Variants in PCDH9 observed in about 807,000 individuals in gnomAD.
PCDH9 encodes protocadherin 9.
Under a neutral mutation model 70.6 loss-of-function variants are expected in PCDH9, and 24 were observed. The ratio of observed to expected loss-of-function variants is 0.34; its 90% CI spans 0.25 to 0.48. The LOEUF is 0.48. Ranked by LOEUF, PCDH9 falls within the 20% of genes least tolerant of loss-of-function variation. The pLI, the probability that PCDH9 is intolerant of heterozygous loss-of-function variation, is 0.99. For synonymous variants in PCDH9, 562 were observed against 558.5 expected, an observed-to-expected ratio of 1.01 and a Z score of -0.09; for missense variants, 1,281 against 1,503.6, an observed-to-expected ratio of 0.85 and a Z score of 2.45.
chr13:66,631,090 T>G, intron 4 of PCDH9, 120 bp downstream of exon 4: 2 of 650,430 alleles, frequency 3.1e-6, no homozygotes, highest in Non-Finnish European at 5.6e-6. Context: ...GCAACAACAA[T>G]AAAGCCAGCA....
intron 4 of PCDH9, among the ~76,000 whole-genome samples, chr13:66,553,541 A>G (rs1019008104): frequency 3.3e-5 from 5 of 152,188 alleles, no homozygotes; most frequent in African/African-American, 1.2e-4. Flanking sequence ...ATACTCCACT[A>G]GAAATTGGAG....
At chr13:66,423,570 C>T (rs545471078) in intron 4 of PCDH9, among the ~76,000 whole-genome samples, 1 of 152,170 alleles carries the variant, frequency 6.6e-6, no homozygotes, top group African/African-American at 2.4e-5. Flanking sequence ...GAACCAATGA[C>T]AAAAGCCACA....
intron 4 of PCDH9, among the ~76,000 whole-genome samples, chr13:66,577,587 T>C (rs943019099): frequency 2.6e-5 from 4 of 152,006 alleles, no homozygotes; most frequent in Non-Finnish European, 5.9e-5. Context: ...CTGCATAGGA[T>C]AGATAGTTCA....
Position 67,166,998 on chromosome 13 carries a change from G to A in PCDH9, c.3036+58407C>T, listed in dbSNP as rs9592501. Among the ~76,000 whole-genome samples, 1,008 of 152,238 alleles carry A rather than the reference G, an allele frequency of 6.6e-3. 4 individuals are homozygous for A. Among genetic ancestry groups the A allele is most frequent in the African/African-American group, 9.9e-3 (413 of 41,540 alleles). ...ATTAATAATTACATAATTTAGATCTGACTTCTTGTTCTACAACGATAACCT... is the reference window on the plus strand; with the variant it reads ...ATTAATAATTACATAATTTAGATCTAACTTCTTGTTCTACAACGATAACCT... On this transcript the variant is annotated intron_variant, in intron 2 of 4. Transcript: ENST00000377865.
chr13:66,698,739 G>T (rs1354680972), intron 3 of PCDH9, among the ~76,000 whole-genome samples: 1 of 151,798 alleles, frequency 6.6e-6, no homozygotes, highest in African/African-American at 2.4e-5. Context: ...CACCACACCT[G>T]GTTCATGTTT....
chr13:66,778,301 ACT>A (rs2079934115), intron 3 of PCDH9, among the ~76,000 whole-genome samples: 1 of 151,762 alleles, frequency 6.6e-6, no homozygotes, highest in African/African-American at 2.4e-5. Flanking sequence ...TAATAAAAAT[ACT>A]CTCTGCTCTT....
At chr13:66,529,237 C>G (rs539157124) in intron 4 of PCDH9, among the ~76,000 whole-genome samples, 115 of 152,184 alleles carry the variant, frequency 7.6e-4, no homozygotes, top group Non-Finnish European at 1.3e-3. Flanking sequence ...GTTAATAACT[C>G]TCAAATACTG....
chr13:66,857,849 C>T (rs2081419764), intron 3 of PCDH9, among the ~76,000 whole-genome samples: 1 of 151,982 alleles, frequency 6.6e-6, no homozygotes, highest in Admixed American at 6.6e-5. Context: ...CCTTTTCCTC[C>T]CAATTCATAG....
chr13:66,925,674 G>T (rs2082706417), intron 2 of PCDH9, among the ~76,000 whole-genome samples: 1 of 151,484 alleles, frequency 6.6e-6, no homozygotes, highest in African/African-American at 2.4e-5. Context: ...AGCATATTTG[G>T]CCACTTTTTA....
chr13:66,496,814 T>C (rs1349328022), intron 4 of PCDH9, among the ~76,000 whole-genome samples: 1 of 152,100 alleles, frequency 6.6e-6, no homozygotes, highest in African/African-American at 2.4e-5. Context: ...CAAGAACAAA[T>C]GCAAGGCAAA....
In PCDH9 at chr13:66,681,172, T is replaced by C. The variant is rs1593884387; in HGVS notation, c.3139-49761A>G. Among the ~76,000 whole-genome samples, 5 of 152,068 alleles carry C rather than the reference T, an allele frequency of 3.3e-5. No individual in the cohort carries two copies. In the South Asian group the frequency reaches 6.2e-4, roughly 19 times the overall value. The stretch of plus-strand genomic sequence containing the variant: ...ATCACAATCACTTTACCCCCCACAA[T>C]ATACTATTTGTGTATTTGATGAAAT... On this transcript the variant is annotated intron_variant, in intron 3 of 4. Transcript: ENST00000377865.
chr13:66,694,639 T>C (rs530172284), intron 3 of PCDH9, among the ~76,000 whole-genome samples: 3 of 152,146 alleles, frequency 2.0e-5, no homozygotes, highest in African/African-American at 7.2e-5. Context: ...AAAAGGAATA[T>C]GTATATAATA....
At chr13:66,649,534 C>T (rs1276367199) in intron 3 of PCDH9, among the ~76,000 whole-genome samples, 2 of 152,024 alleles carry the variant, frequency 1.3e-5, no homozygotes, top group South Asian at 4.1e-4. Flanking sequence ...TTCATCAACA[C>T]CAGACCTGCC....
At chr13:66,413,924 A>C (rs890891105) in intron 4 of PCDH9, among the ~76,000 whole-genome samples, 47 of 152,092 alleles carry the variant, frequency 3.1e-4, no homozygotes, top group Non-Finnish European at 7.4e-5. Context: ...GCTCAGTTTC[A>C]GATTTTAAAC....
intron 2 of PCDH9, among the ~76,000 whole-genome samples, chr13:66,984,610 A>C (rs1051166785): frequency 6.6e-6 from 1 of 152,162 alleles, no homozygotes; most frequent in African/African-American, 2.4e-5. Context: ...TAAGATTCTA[A>C]TGCTAAAATG....
At chr13:66,994,238 T>C (rs550584797) in intron 2 of PCDH9, among the ~76,000 whole-genome samples, 1 of 152,142 alleles carries the variant, frequency 6.6e-6, no homozygotes, top group Non-Finnish European at 1.5e-5. Flanking sequence ...ATTCCAGGAA[T>C]GCAAAAAAGA....
chr13:66,398,682 A>T (rs1159906352), intron 4 of PCDH9, among the ~76,000 whole-genome samples: 1 of 152,220 alleles, frequency 6.6e-6, no homozygotes. Context: ...ATTAAGAACA[A>T]TTCACTATTC....
intron 4 of PCDH9, among the ~76,000 whole-genome samples, chr13:66,461,172 T>G (rs1403805256): frequency 6.6e-6 from 1 of 151,794 alleles, no homozygotes; most frequent in Non-Finnish European, 1.5e-5. Context: ...TAAACCTTCT[T>G]AAAAGATTAT....
intron 3 of PCDH9, among the ~76,000 whole-genome samples, chr13:66,747,589 AG>A (rs1345259889): frequency 3.3e-5 from 5 of 152,226 alleles, no homozygotes; most frequent in Non-Finnish European, 5.9e-5. Context: ...TATACTTATT[AG>A]GTGGTGCTTT....
Sources: gnomAD v4.1 joint callset for allele counts (sites outside exome capture counted in the v4.1 genomes callset) on GRCh38, gnomAD v4.1.1 for gene constraint, MANE v1.5 for transcripts, NCBI Gene and HGNC (gene_info 2026-07-23, HGNC 2026-07-21) for gene names.